CKB: variants seen among roughly 807,000 people sequenced by gnomAD.
CKB encodes the protein creatine kinase B-type.
In CKB, 15 loss-of-function variants were observed where a neutral mutation model predicts 36.9. The ratio of observed to expected loss-of-function variants is 0.41; its 90% CI spans 0.27 to 0.63. The LOEUF is 0.63. Among genes scored for constraint, CKB ranks in the 20% least tolerant of loss-of-function variants. The pLI is 0.34. For missense variants in CKB, 413 were observed against 534.9 expected (o/e 0.77, Z 2.25); for synonymous variants, 250 against 228.2 (o/e 1.10, Z -0.86).
At position 103,519,703 on chromosome 14, in the gene CKB, G is replaced by C. The variant is rs893259332; in HGVS notation, c.*161C>G. ...ACCCTAGTTTATTTCAGCATCAGCAGTATCTTAGCCATCAAAAAAATAAAC... is the reference window on the plus strand; with the variant it reads ...ACCCTAGTTTATTTCAGCATCAGCACTATCTTAGCCATCAAAAAAATAAAC... On this transcript the variant is annotated 3_prime_UTR_variant, in exon 8 of 8. Transcript: ENST00000348956. 6.6e-6 allele frequency: 5 copies of C among 759,314 alleles called. No individual in the cohort carries two copies. The highest frequency in any genetic ancestry group is 5.3e-5 in the African/African-American group (3 of 56,538). 47.0% of individuals were successfully genotyped at this position (759,314 alleles called of 1,614,324 possible).
intron 5 of CKB, 32 bp downstream of exon 5, chr14:103,521,231 G>A (rs775455742): frequency 4.6e-5 from 72 of 1,551,942 alleles, no homozygotes; most frequent in Admixed American, 9.0e-5. Flanking sequence ...GGGGAGGGAG[G>A]ACGCCGCGAG....
Position 103,522,559 on chromosome 14 carries a change from C to T in CKB, c.-12-54G>A. The T allele has an allele frequency of 7.6e-7, 1 of 1,324,400 alleles. No individual in the cohort carries two copies. Among genetic ancestry groups the T allele is most frequent in the Non-Finnish European group, 1.0e-6 (1 of 1,004,682 alleles). The allele number at this position is 1,324,400 out of a possible 1,614,324, so 82.0% of individuals were successfully genotyped here. On this transcript the variant is annotated intron_variant, in intron 1 of 7. Coordinates refer to ENST00000348956, the MANE Select transcript of CKB (RefSeq NM_001823.5). The surrounding 1 kb of genome is among the most constrained non-coding windows in gnomAD (Gnocchi z 6.7). ...CCGGCACGCCGGGGTTCCCGGGCTC[C>T]CGCGTACCACTCAGGCCCCCGCCGC...
In CKB at chr14:103,520,393, C is replaced by T. The variant is rs1033078926; in HGVS notation, c.777+76G>A. 3.8e-6 allele frequency: 6 copies of T among 1,587,948 alleles called. No homozygotes were observed. In the African/African-American group the frequency reaches 6.7e-5, roughly 18 times the overall value. Reference sequence around the variant, plus strand: ...CTGAGACTCCCCAGTGCCGGAAATCCCCCGGGGGGACTGATGCTGGGGCAC... The same window carrying T: ...CTGAGACTCCCCAGTGCCGGAAATCTCCCGGGGGGACTGATGCTGGGGCAC... On this transcript the variant is annotated intron_variant, in intron 6 of 7. Transcript: ENST00000348956.
chr14:103,522,252 T>A lies in CKB; in HGVS notation c.193+49A>T. ...AGCGCGCTGCTGAGGACCCTGCGGC[T>A]GCGCGGGGGGAGGGGGGGCCGGGAC... On this transcript the variant is annotated intron_variant, in intron 2 of 7. Coordinates refer to ENST00000348956, the MANE Select transcript of CKB (RefSeq NM_001823.5). The surrounding 1 kb of genome is among the most constrained non-coding windows in gnomAD (Gnocchi z 6.7). The A allele has an allele frequency of 7.3e-7, 1 of 1,378,360 alleles. No homozygotes were observed. Among genetic ancestry groups the A allele is most frequent in the Non-Finnish European group, 9.7e-7 (1 of 1,028,582 alleles). The allele number at this position is 1,378,360 out of a possible 1,614,324, so 85.4% of individuals were successfully genotyped here.
chr14:103,521,109 G>C, intron 5 of CKB, 154 bp downstream of exon 5: 1 of 950,116 alleles, frequency 1.1e-6, no homozygotes, highest in Non-Finnish European at 1.6e-6. Context: ...GAGGAGGCGC[G>C]GCACGGAACC....
chr14:103,520,387 G>A (rs1276853543), intron 6 of CKB, 76 bp from the exon 7 acceptor site: 3 of 1,585,372 alleles, frequency 1.9e-6, no homozygotes, highest in Non-Finnish European at 2.6e-6. Flanking sequence ...CCCAGTGCCG[G>A]AAATCCCCCG....
chr14:103,522,405 A>T lies in CKB; in HGVS notation c.89T>A (p.Met30Lys), dbSNP rs761566306. 6.2e-7 allele frequency: 1 copy of T among 1,609,902 alleles called. No individual in the cohort carries two copies. Among genetic ancestry groups the T allele is most frequent in the Non-Finnish European group, 8.5e-7 (1 of 1,178,682 alleles). ...CAGCTCGGGGGTCAGCACCTTGGCC[A>T]TGTGGTTGTTGTGGGCGCTCAGGTC... ...FPDLSAHNNHMAKVLTPELYA... is the reference protein window; with the variant it reads ...FPDLSAHNNHKAKVLTPELYA... Residue 30 changes from methionine (M) to lysine (K), a missense_variant, in exon 2 of 8, where the codon ATG becomes AAG. Transcript: ENST00000348956. This position sits in a 1 kb window ranked among gnomAD's most constrained non-coding sequence, Gnocchi z 6.7.
At chr14:103,521,064 T>G (rs938554433) in intron 5 of CKB, 199 bp downstream of exon 5, 5 of 740,434 alleles carry the variant, frequency 6.8e-6, no homozygotes, top group Non-Finnish European at 1.2e-5. Flanking sequence ...GCCCAGTCCC[T>G]TAACGCACCT....
rs774966043 is a variant in CKB at position 103,520,328 on chromosome 14, G to C, written c.778-17C>G. ...AGTTTCAATCTGCAGACGGAGAAGA[G>C]GGTATGAGGGAGAAGGCCTGCCTGA... On this transcript the variant is annotated splice_polypyrimidine_tract_variant and intron_variant, in intron 6 of 7. Coordinates refer to ENST00000348956, the MANE Select transcript of CKB (RefSeq NM_001823.5). 5.6e-6 allele frequency: 9 copies of C among 1,596,272 alleles called. No homozygotes were observed. The highest frequency in any genetic ancestry group is 1.1e-5 in the South Asian group (1 of 89,792).
intron 5 of CKB, chr14:103,521,046 G>C: frequency 1.4e-6 from 1 of 694,300 alleles, no homozygotes; most frequent in Admixed American, 2.2e-5. Flanking sequence ...GAGCCCCCAC[G>C]GGCCGGGGCC....
In CKB at chr14:103,519,940, A is replaced by C; in HGVS notation, c.1070T>G (p.Val357Gly). Residue 357 changes from valine to glycine, a missense_variant, in exon 8 of 8, where the codon GTG becomes GGG. Val to Gly is a moderately radical substitution (Grantham distance 109). Transcript: ENST00000348956. Reference sequence around the variant, plus strand: ...CTGCTCCATCTCGATGAGCAGCTTCACTCCGTCCACCACCATCTGCACCAG... The same window carrying C: ...CTGCTCCATCTCGATGAGCAGCTTCCCTCCGTCCACCACCATCTGCACCAG... ...VELVQMVVDG[V>G]KLLIEMEQRL... is the part of the protein sequence containing the mutation. The C allele has an allele frequency of 1.2e-6, 2 of 1,610,190 alleles. No individual in the cohort carries two copies. The highest frequency in any genetic ancestry group is 1.7e-6 in the Non-Finnish European group (2 of 1,179,926).
At position 103,521,928 on chromosome 14, in the gene CKB, T is replaced by G. The variant is rs762398805; in HGVS notation, c.371A>C (p.Asn124Thr). Residue 124 changes from asparagine (N) to threonine (T), a missense_variant, in exon 4 of 8, where the codon AAC becomes ACC. This residue lies in a region of CKB where 314 missense variants were observed against 409.4 expected (regional missense o/e 0.77). Transcript: ENST00000348956. ...NLQGGDDLDP[N>T]YVLSSRVRTG... The stretch of plus-strand genomic sequence containing the variant: ...GCGCACCCGCGAGCTCAGCACGTAG[T>G]TGGGGTCCAGGTCGTCGCCGCCCTG... The G allele has an allele frequency of 6.3e-7, 1 of 1,581,148 alleles. No individual in the cohort carries two copies. The highest frequency in any genetic ancestry group is 8.5e-7 in the Non-Finnish European group (1 of 1,171,302).
chr14:103,520,075 AG>A, intron 7 of CKB, 33 bp from the exon 8 acceptor site: 1 of 1,606,334 alleles, frequency 6.2e-7, no homozygotes. Context: ...CGGAGGAAAC[AG>A]GGCTGCCCAA....
At position 103,522,656 on chromosome 14, in the gene CKB, A is replaced by T; in HGVS notation, c.-13+110T>A. 3.3e-6 allele frequency: 1 copy of T among 298,870 alleles called. No individual in the cohort carries two copies. The highest frequency in any genetic ancestry group is 5.5e-6 in the Non-Finnish European group (1 of 181,388). The allele number at this position is 298,870 out of a possible 1,614,324, so 18.5% of individuals were successfully genotyped here. ...CGCAGCGCGCGCGGGGAGCGCCATC[A>T]TCGCCGGGGACCCCCGGCCGGTCCG... On this transcript the variant is annotated intron_variant, in intron 1 of 7. Coordinates refer to ENST00000348956, the MANE Select transcript of CKB (RefSeq NM_001823.5). This position sits in a 1 kb window ranked among gnomAD's most constrained non-coding sequence, Gnocchi z 6.7.
rs1269010010 is a variant in CKB, at chr14:103,519,887, C to T, written c.1123G>A (p.Asp375Asn). ...QRLEQGQAID[D>N]LMPAQK ...CTTCATTTCTGGGCAGGCATGAGGTCGTCGATGGCCTGGCCCTGCTCCAGC... is the reference window on the plus strand; with the variant it reads ...CTTCATTTCTGGGCAGGCATGAGGTTGTCGATGGCCTGGCCCTGCTCCAGC... Residue 375 changes from aspartate (D) to asparagine (N), a missense_variant, in exon 8 of 8, where the codon GAC (aspartate) becomes AAC (asparagine). This residue lies in a region of CKB where 314 missense variants were observed against 409.4 expected (regional missense o/e 0.77). Coordinates refer to ENST00000348956, the MANE Select transcript of CKB (RefSeq NM_001823.5). The T allele has an allele frequency of 3.1e-6, 5 of 1,606,118 alleles. No homozygotes were observed. The highest frequency in any genetic ancestry group is 1.3e-5 in the African/African-American group (1 of 75,048).
At position 103,521,361 on chromosome 14, in the gene CKB, C is replaced by T. The variant is rs1344486746; in HGVS notation, c.555G>A (p.Gln185=). ...AGAGGAAGTGGTCGTCGATGAGCTG[C>T]TGCTGCTCCGCCTCCGTCATGCTCT... is the stretch of plus-strand genomic sequence containing the variant. The part of the protein sequence containing the change: ...ALKSMTEAEQ[Q]QLIDDHFLFD... Residue 185 remains glutamine (Q), a synonymous_variant, in exon 5 of 8, where the codon CAG becomes CAA. Transcript: ENST00000348956. The T allele has an allele frequency of 6.2e-7, 1 of 1,609,942 alleles. No individual in the cohort carries two copies. The highest frequency in any genetic ancestry group is 8.5e-7 in the Non-Finnish European group (1 of 1,179,442).
At chr14:103,520,408 T>G in intron 6 of CKB, 61 bp downstream of exon 6, 1 of 1,588,822 alleles carries the variant, frequency 6.3e-7, no homozygotes, top group Non-Finnish European at 8.6e-7. Flanking sequence ...GGGGGACTGA[T>G]GCTGGGGCAC....
Position 103,520,455 on chromosome 14 carries a change from C to T in CKB, c.777+14G>A, listed in dbSNP as rs1201828744. Reference sequence around the variant, plus strand: ...CTGGGGCCCTGGGGTCTGGGCCTGCCCCGTCCCTGGCACCTGGGTGAGGCC... The same window carrying T: ...CTGGGGCCCTGGGGTCTGGGCCTGCTCCGTCCCTGGCACCTGGGTGAGGCC... On this transcript the variant is annotated intron_variant, in intron 6 of 7. Transcript: ENST00000348956. 1.9e-6 allele frequency: 3 copies of T among 1,597,682 alleles called. No homozygotes were observed. In the African/African-American group the frequency reaches 4.0e-5, roughly 21 times the overall value.
chr14:103,520,807 G>T, intron 5 of CKB: 1 of 645,418 alleles, frequency 1.5e-6, no homozygotes, highest in Non-Finnish European at 2.5e-6. Flanking sequence ...GTGGCCTGAG[G>T]TGGGGCGGGG....
Sources: gnomAD v4.1 joint callset for allele counts on GRCh38, gnomAD v4.1.1 for gene constraint, gnomAD v4.1.1 regional missense constraint, Gnocchi (gnomAD v3.1) non-coding constraint, MANE v1.5 for transcripts, NCBI Gene and HGNC (gene_info 2026-07-23, HGNC 2026-07-21) for gene names.